Variants in C8A observed in about 807,000 individuals in gnomAD.
C8A encodes the protein complement component C8 alpha chain.
Under a neutral mutation model 65.3 loss-of-function variants are expected in C8A, and 67 were observed. The ratio of observed to expected loss-of-function variants is 1.03; its 90% CI spans 0.84 to 1.26. C8A has a LOEUF of 1.26. C8A is among the 50% of genes most tolerant of loss of function. The pLI, the probability that C8A is intolerant of heterozygous loss-of-function variation, is 0.00. For synonymous variants in C8A, 290 were observed against 259.4 expected, an observed-to-expected ratio of 1.12 and a Z score of -1.13; for missense variants, 781 against 723.9, an observed-to-expected ratio of 1.08 and a Z score of -0.90.
chr1:56,901,105 G>A (rs957746709), intron 7 of C8A, among the ~76,000 whole-genome samples: 2 of 152,112 alleles, frequency 1.3e-5, no homozygotes, highest in Non-Finnish European at 1.5e-5. Context: ...GAAACACAAA[G>A]GGGACAGGTG....
chr1:56,914,763 C>G (rs1264359016), intron 10 of C8A, among the ~76,000 whole-genome samples: 1 of 152,122 alleles, frequency 6.6e-6, no homozygotes, highest in Non-Finnish European at 1.5e-5. Flanking sequence ...CTCCCGGGTT[C>G]AAGCGATTCT....
At chr1:56,908,656 T>C (rs1346690577) in intron 9 of C8A, among the ~76,000 whole-genome samples, 1 of 152,236 alleles carries the variant, frequency 6.6e-6, no homozygotes, top group Non-Finnish European at 1.5e-5. Flanking sequence ...TGCAATTTGC[T>C]ACCATCCTCC....
chr1:56,860,451 A>C (rs78285783), intron 1 of C8A, among the ~76,000 whole-genome samples: 4,121 of 152,318 alleles, frequency 0.027, 82 homozygotes, highest in Non-Finnish European at 0.039. Context: ...ACAAACACAA[A>C]AACAAATATC....
At chr1:56,861,000 C>G (rs1644028349) in intron 1 of C8A, among the ~76,000 whole-genome samples, 1 of 152,140 alleles carries the variant, frequency 6.6e-6, no homozygotes, top group African/African-American at 2.4e-5. Context: ...AAAGGAATAC[C>G]TGAAGCTGTG....
rs1176721494 is a variant in C8A at position 56,874,923 on chromosome 1, T to C, written c.172-26T>C. 4.3e-6 allele frequency: 7 copies of C among 1,612,680 alleles called. No homozygotes were observed. In the South Asian group the frequency reaches 5.5e-5, roughly 13 times the overall value. ...TGATTGATTGATTGGTTGACAAGAATGTGTCTTGTTCAAAATCTGGTTTAG... is the reference window on the plus strand; with the variant it reads ...TGATTGATTGATTGGTTGACAAGAACGTGTCTTGTTCAAAATCTGGTTTAG... On this transcript the variant is annotated intron_variant, in intron 2 of 10. Transcript: ENST00000361249.
chr1:56,875,854 T>C (rs948501561), intron 3 of C8A, among the ~76,000 whole-genome samples: 1 of 151,854 alleles, frequency 6.6e-6, no homozygotes, highest in Non-Finnish European at 1.5e-5. Flanking sequence ...TGTGGAGAAT[T>C]AGAGAGAGAG....
Position 56,912,472 on chromosome 1 carries a change from C to A in C8A, c.1450C>A (p.Arg484Ser), listed in dbSNP as rs201007993. 1.2e-6 allele frequency: 2 copies of A among 1,614,088 alleles called. No individual in the cohort carries two copies. The highest frequency in any genetic ancestry group is 1.7e-6 in the Non-Finnish European group (2 of 1,180,036). The change falls in exon 10 of 11, where the codon CGC becomes AGC. Residue 484 changes from arginine (R) to serine (S), a missense_variant. By Grantham distance (110) the Arg-to-Ser change is moderately radical (BLOSUM62 -1). Transcript: ENST00000361249. ...GPLEAKRQNL[R>S]RALDQYLMEF... ...TCTGGAGGCCAAGCGCCAGAACCTG[C>A]GCCGCGCCTTGGACCAGTATCTGAT...
rs748629413 is a variant in C8A at position 56,906,779 on chromosome 1, A to G, written c.1209A>G (p.Gly403=). The G allele has an allele frequency of 1.2e-6, 2 of 1,614,102 alleles. No individual in the cohort carries two copies. Among genetic ancestry groups the G allele is most frequent in the Non-Finnish European group, 8.5e-7 (1 of 1,179,972 alleles). Residue 403 remains glycine, a synonymous_variant, in exon 8 of 11, where the codon GGA becomes GGG. Transcript: ENST00000361249. ...CAGGAGACCATTGTAAAAAATTTGG[A>G]GGTGGCAAAACTGGCAAGTGTTTAG... ...GLSGDHCKKF[G]GGKTERARKA... is the part of the protein sequence containing the mutation.
At position 56,883,649 on chromosome 1, in the gene C8A, T is replaced by G. The variant is rs1293627396; in HGVS notation, c.823T>G (p.Phe275Val). ...VGVSHSQDTS[F>V]LNELNKYNEK... is the part of the protein sequence containing the mutation. ...TGTATCCCACTCACAAGACACTTCA[T>G]TCTTGAACGAATTAAACAAGTATAA... The change falls in exon 6 of 11, where the codon TTC becomes GTC. Residue 275 changes from phenylalanine to valine, a missense_variant. Coordinates refer to ENST00000361249, the MANE Select transcript of C8A (RefSeq NM_000562.3). 6.2e-7 allele frequency: 1 copy of G among 1,613,908 alleles called. No individual in the cohort carries two copies. Among genetic ancestry groups the G allele is most frequent in the South Asian group, 1.1e-5 (1 of 91,080 alleles).
At chr1:56,894,817 A>T (rs972656290) in intron 7 of C8A, among the ~76,000 whole-genome samples, 3 of 152,144 alleles carry the variant, frequency 2.0e-5, no homozygotes, top group African/African-American at 4.8e-5. Context: ...GCTCATAGAA[A>T]GTAAGGGGGT....
intron 9 of C8A, among the ~76,000 whole-genome samples, 183 bp downstream of exon 9, chr1:56,908,296 C>T (rs767570593): frequency 1.1e-4 from 17 of 152,268 alleles, no homozygotes; most frequent in Admixed American, 4.6e-4. Context: ...ACCCAGGCCA[C>T]GGGACAGCTG....
Position 56,886,059 on chromosome 1 carries a change from T to C in C8A, c.988T>C (p.Tyr330His). ...TCCAGATCAGTACAATTATGGCATGTATGCCAAGTTCATCAATGACTATGG... is the reference window on the plus strand; with the variant it reads ...TCCAGATCAGTACAATTATGGCATGCATGCCAAGTTCATCAATGACTATGG... ...ELPDQYNYGM[Y>H]AKFINDYGTH... Residue 330 changes from tyrosine to histidine, a missense_variant, in exon 7 of 11, where the codon TAT becomes CAT. Physicochemically the swap from Tyr to His is moderately conservative, Grantham distance 83. Coordinates refer to ENST00000361249, the MANE Select transcript of C8A (RefSeq NM_000562.3). 1.2e-6 allele frequency: 2 copies of C among 1,614,014 alleles called. No individual in the cohort carries two copies. Among genetic ancestry groups the C allele is most frequent in the Non-Finnish European group, 1.7e-6 (2 of 1,179,906 alleles).
intron 1 of C8A, among the ~76,000 whole-genome samples, chr1:56,861,452 C>T (rs1258990532): frequency 6.6e-6 from 1 of 152,030 alleles, no homozygotes; most frequent in East Asian, 1.9e-4. Context: ...TCTGTCTAGC[C>T]AGGAGAACCC....
At chr1:56,875,199 G>C in intron 3 of C8A, 106 bp downstream of exon 3, 1 of 1,342,102 alleles carries the variant, frequency 7.5e-7, no homozygotes, top group Non-Finnish European at 1.0e-6. Context: ...CCTTCCTCTC[G>C]AGGTTGCCAT....
At chr1:56,858,519 T>C (rs1233536858) in intron 1 of C8A, among the ~76,000 whole-genome samples, 1 of 152,200 alleles carries the variant, frequency 6.6e-6, no homozygotes, top group Non-Finnish European at 1.5e-5. Flanking sequence ...AAGTTTTTCT[T>C]TTTGCTAAGT....
At chr1:56,903,141 G>C (rs1302505855) in intron 7 of C8A, among the ~76,000 whole-genome samples, 2 of 152,120 alleles carry the variant, frequency 1.3e-5, no homozygotes, top group Non-Finnish European at 2.9e-5. Context: ...ATTTTGCTAT[G>C]CTTGGTGATA....
chr1:56,899,139 G>A (rs679350), intron 7 of C8A, among the ~76,000 whole-genome samples: 33,408 of 151,930 alleles, frequency 0.22, 4,342 homozygotes, highest in South Asian at 0.49. Context: ...TCTTGGCTCT[G>A]TCCTTACTCC....
chr1:56,885,447 T>TATATTTACATAAATATATATTTATTTAA (rs1156367744), intron 6 of C8A, among the ~76,000 whole-genome samples: 1 of 89,020 alleles, frequency 1.1e-5, no homozygotes, highest in African/African-American at 5.3e-5. Flanking sequence ...TAAGTAAATA[T>TATATTTACATAAATATATATTTATTTAA]ATATATATTT....
intron 7 of C8A, among the ~76,000 whole-genome samples, chr1:56,905,002 T>A (rs773908792): frequency 3.3e-5 from 5 of 152,236 alleles, no homozygotes; most frequent in Non-Finnish European, 5.9e-5. Context: ...GTAATCACTC[T>A]GGCTTCTGCC....
Sources: allele counts gnomAD v4.1 joint callset (sites outside exome capture counted in the v4.1 genomes callset), GRCh38; gene constraint gnomAD v4.1.1; transcripts MANE v1.5; gene names NCBI Gene and HGNC (gene_info 2026-07-23, HGNC 2026-07-21).